Variants in RXFP1 observed in about 807,000 individuals in gnomAD.
RXFP1 encodes relaxin family peptide receptor 1.
Under a neutral mutation model 89.8 loss-of-function variants are expected in RXFP1, and 73 were observed. The observed-to-expected ratio is 0.81, with a 90% CI of 0.67 to 0.99. The LOEUF is 0.99. Among genes scored for constraint, RXFP1 ranks in the 50% least tolerant of loss-of-function variants. The pLI, the probability that RXFP1 is intolerant of heterozygous loss-of-function variation, is 0.00. For missense variants in RXFP1, 793 were observed against 895.5 expected (o/e 0.89, Z 1.46); for synonymous variants, 277 against 305.5 (o/e 0.91, Z 0.97).
At chr4:158,651,019 G>C (rs1447406933) in intron 17 of RXFP1, among the ~76,000 whole-genome samples, 2 of 152,168 alleles carry the variant, frequency 1.3e-5, no homozygotes, top group Non-Finnish European at 2.9e-5. Context: ...AGCTACTCAA[G>C]AGGGTGAGGT....
intron 9 of RXFP1, among the ~76,000 whole-genome samples, chr4:158,618,583 A>G (rs560883709): frequency 6.6e-6 from 1 of 152,194 alleles, no homozygotes; most frequent in Non-Finnish European, 1.5e-5. Context: ...ACTTTGCTTT[A>G]TAATTATTTA....
intron 3 of RXFP1, among the ~76,000 whole-genome samples, chr4:158,597,736 A>G (rs7674953): frequency 6.6e-6 from 1 of 152,052 alleles, no homozygotes; most frequent in Non-Finnish European, 1.5e-5. Context: ...GATTAACGCT[A>G]ATTTCACTGC....
intron 17 of RXFP1, among the ~76,000 whole-genome samples, chr4:158,650,562 A>C: frequency 6.6e-6 from 1 of 151,904 alleles, no homozygotes; most frequent in East Asian, 1.9e-4. Flanking sequence ...TGAGGTCAGG[A>C]GTTGGAGACC....
At chr4:158,611,438 A>G (rs760469164) in intron 6 of RXFP1, among the ~76,000 whole-genome samples, 3 of 152,192 alleles carry the variant, frequency 2.0e-5, no homozygotes, top group Admixed American at 6.5e-5. Context: ...CCTTTTGTCC[A>G]TAACAGGCCC....
At chr4:158,649,391 T>C (rs1772182712) in intron 17 of RXFP1, among the ~76,000 whole-genome samples, 2 of 152,140 alleles carry the variant, frequency 1.3e-5, no homozygotes, top group South Asian at 4.1e-4. Flanking sequence ...CTGTAATACA[T>C]GCAATTTAGA....
At chr4:158,646,535 A>T (rs1384381994) in intron 15 of RXFP1, 2 of 1,297,444 alleles carry the variant, frequency 1.5e-6, no homozygotes, top group Non-Finnish European at 2.0e-6. Flanking sequence ...CTGTGCTGTT[A>T]GAGACTTGCA....
At chr4:158,602,249 A>C (rs910482889) in intron 4 of RXFP1, among the ~76,000 whole-genome samples, 1 of 152,224 alleles carries the variant, frequency 6.6e-6, no homozygotes, top group African/African-American at 2.4e-5. Context: ...TAACCTATAA[A>C]TCCTAGACAC....
At chr4:158,573,320 C>T (rs1755529206) in intron 2 of RXFP1, among the ~76,000 whole-genome samples, 1 of 152,116 alleles carries the variant, frequency 6.6e-6, no homozygotes. Context: ...AATATCCACT[C>T]GTTTCCATGT....
intron 1 of RXFP1, 121 bp downstream of exon 1, chr4:158,522,146 A>C: frequency 1.6e-6 from 1 of 611,920 alleles, no homozygotes; most frequent in Non-Finnish European, 2.8e-6. Context: ...ATAAAATTGT[A>C]ATCTCACTTC....
At chr4:158,596,968 T>C (rs1353271115) in intron 3 of RXFP1, among the ~76,000 whole-genome samples, 1 of 152,170 alleles carries the variant, frequency 6.6e-6, no homozygotes, top group Non-Finnish European at 1.5e-5. Flanking sequence ...ATGTAATAAA[T>C]GCTGTATTAA....
intron 1 of RXFP1, among the ~76,000 whole-genome samples, chr4:158,542,918 G>A (rs1431426107): frequency 1.3e-5 from 2 of 152,118 alleles, no homozygotes; most frequent in Admixed American, 1.3e-4. Context: ...AAGTCCATAT[G>A]GACAGTAAGA....
At chr4:158,526,612 T>A (rs1174122393) in intron 1 of RXFP1, among the ~76,000 whole-genome samples, 2 of 152,222 alleles carry the variant, frequency 1.3e-5, no homozygotes, top group African/African-American at 4.8e-5. Context: ...GTTGTTCATG[T>A]TAGAACTTGG....
chr4:158,618,300 G>A (rs1222423219), intron 9 of RXFP1, among the ~76,000 whole-genome samples: 3 of 152,028 alleles, frequency 2.0e-5, no homozygotes, highest in Admixed American at 6.6e-5. Context: ...TAAAATGTGT[G>A]CATTTAGACA....
chr4:158,572,834 T>A lies in RXFP1; in HGVS notation c.186T>A (p.Cys62Ter). 1 of 1,614,012 alleles carries A rather than the reference T, an allele frequency of 6.2e-7. No individual in the cohort carries two copies. Among genetic ancestry groups the A allele is most frequent in the South Asian group, 1.1e-5 (1 of 91,064 alleles). ...DCGNQADEDN[C>*]GDNNGWSLQF... ...GGAATCAGGCCGATGAGGACAACTG[T>A]GGTGAGTGAAGCCCCTGCAGTCACG... The change falls in exon 2 of 18, where the codon TGT (cysteine) becomes TGA (stop). Residue 62 changes from cysteine to a stop codon, truncating the protein, a stop_gained and splice_region_variant. Transcript: ENST00000307765. LOFTEE classifies it high-confidence loss of function.
At chr4:158,607,180 T>C (rs1561114267) in intron 5 of RXFP1, 8 of 1,278,544 alleles carry the variant, frequency 6.3e-6, no homozygotes, top group Non-Finnish European at 7.7e-6. Flanking sequence ...AATGATGCAA[T>C]AGCGTATACT....
chr4:158,633,509 CTTTA>C (rs768662062), intron 12 of RXFP1, 33 bp downstream of exon 12: 5 of 1,340,012 alleles, frequency 3.7e-6, no homozygotes, highest in Non-Finnish European at 5.2e-6. Flanking sequence ...CACCTCGTTT[CTTTA>C]TTTTATTATT....
intron 1 of RXFP1, among the ~76,000 whole-genome samples, chr4:158,548,243 G>C (rs1035428427): frequency 2.6e-5 from 4 of 152,154 alleles, no homozygotes; most frequent in African/African-American, 9.7e-5. Flanking sequence ...TTGGTTTAAA[G>C]TCTGTTTTAT....
At chr4:158,607,030 T>C in intron 5 of RXFP1, 1 of 1,509,350 alleles carries the variant, frequency 6.6e-7, no homozygotes, top group Non-Finnish European at 8.9e-7. Context: ...TTATAACAAA[T>C]TGCATATAAA....
intron 1 of RXFP1, among the ~76,000 whole-genome samples, chr4:158,562,549 A>AAAAAAAAAAAAAC (rs1433332353): frequency 2.0e-5 from 3 of 148,840 alleles, no homozygotes; most frequent in Non-Finnish European, 3.0e-5. Flanking sequence ...AAAAAAAAAA[A>AAAAAAAAAAAAAC]AATACACATA....
Sources: allele counts gnomAD v4.1 joint callset (sites outside exome capture counted in the v4.1 genomes callset), GRCh38; gene constraint gnomAD v4.1.1; transcripts MANE v1.5; gene names NCBI Gene and HGNC (gene_info 2026-07-23, HGNC 2026-07-21).